PKNOX2: variants seen among roughly 807,000 people sequenced by gnomAD.
PKNOX2 encodes the protein PBX/knotted 1 homeobox 2.
A neutral mutation model predicts 53.1 loss-of-function variants in PKNOX2; 14 were observed. The ratio of observed to expected loss-of-function variants is 0.26; its 90% confidence interval spans 0.17 to 0.41. The LOEUF is 0.41. Among genes scored for constraint, PKNOX2 ranks in the 10% least tolerant of loss-of-function variants. The probability of loss-of-function intolerance (pLI) is 1.00; values close to 1 mark genes in which losing one functional copy is unlikely to be tolerated. For synonymous variants in PKNOX2, 257 were observed against 242.8 expected (o/e 1.06, Z -0.54); for missense variants, 496 against 602.8 (o/e 0.82, Z 1.85).
In PKNOX2 at chr11:125,352,717, T is replaced by C. The variant is rs1322405053; in HGVS notation, c.87+1325T>C. ...AAAGCCCTGGTCCTTCACCAATCTC[T>C]GAGCACATGTCTACGGCCCCGCTCC... is the stretch of plus-strand genomic sequence containing the variant. On this transcript the variant is annotated intron_variant, in intron 4 of 12. Transcript: ENST00000298282. The surrounding 1 kb of genome is among the most constrained non-coding windows in gnomAD (Gnocchi z 4.1). Among the ~76,000 whole-genome samples the C allele has an allele frequency of 6.6e-6, 1 of 152,186 alleles. No homozygotes were observed. The highest frequency in any genetic ancestry group is 1.9e-4 in the East Asian group (1 of 5,198).
At chr11:125,313,021 C>T (rs1014830457) in intron 2 of PKNOX2, among the ~76,000 whole-genome samples, 2 of 152,074 alleles carry the variant, frequency 1.3e-5, no homozygotes, top group Non-Finnish European at 2.9e-5. Context: ...CCACTGGAGG[C>T]CCGTGTCATG....
At position 125,430,104 on chromosome 11, in the gene PKNOX2, G is replaced by A. The variant is rs1956625029; in HGVS notation, c.1155G>A (p.Leu385=). The change falls in exon 12 of 13, where the codon CTG becomes CTA. Residue 385 remains leucine (L), a synonymous_variant. Coordinates refer to ENST00000298282, the MANE Select transcript of PKNOX2 (RefSeq NM_001382323.2). ...CCAACTCCATCGCTGCGGGGGTGCT[G>A]CAGCAGCAGGGCGGTGCCCCAGGGA... is the stretch of plus-strand genomic sequence containing the variant. The part of the protein sequence containing the change: ...FWPNSIAAGV[L]QQQGGAPGTN... The A allele has an allele frequency of 6.2e-7, 1 of 1,614,142 alleles. No homozygotes were observed. The highest frequency in any genetic ancestry group is 8.5e-7 in the Non-Finnish European group (1 of 1,180,000).
intron 2 of PKNOX2, among the ~76,000 whole-genome samples, chr11:125,290,258 C>T (rs1051719780): frequency 6.6e-6 from 1 of 152,188 alleles, no homozygotes; most frequent in African/African-American, 2.4e-5. Context: ...CCTCCCAAAG[C>T]CAGCTCTGCC....
At chr11:125,175,046 C>A (rs552763064) in intron 1 of PKNOX2, among the ~76,000 whole-genome samples, 56 of 152,306 alleles carry the variant, frequency 3.7e-4, no homozygotes, top group African/African-American at 1.3e-3. Flanking sequence ...TGGCATAGCA[C>A]CCCTTGAGAA....
chr11:125,355,054 G>A (rs2136218956), intron 4 of PKNOX2, among the ~76,000 whole-genome samples: 1 of 152,198 alleles, frequency 6.6e-6, no homozygotes, highest in East Asian at 1.9e-4. Flanking sequence ...ATTGCCTGAG[G>A]TCAGGAGTTC....
intron 2 of PKNOX2, among the ~76,000 whole-genome samples, chr11:125,246,943 G>A (rs1943611099): frequency 6.6e-6 from 1 of 152,132 alleles, no homozygotes; most frequent in African/African-American, 2.4e-5. Context: ...CTCAGCATGT[G>A]ACACTGCCAG....
intron 5 of PKNOX2, among the ~76,000 whole-genome samples, chr11:125,375,687 C>T (rs1393900665): frequency 6.6e-6 from 1 of 152,106 alleles, no homozygotes; most frequent in Non-Finnish European, 1.5e-5. Context: ...TTGACTGTGA[C>T]CAAGACAACG....
At chr11:125,193,939 G>T (rs1477537448) in intron 1 of PKNOX2, among the ~76,000 whole-genome samples, 1 of 152,208 alleles carries the variant, frequency 6.6e-6, no homozygotes, top group Non-Finnish European at 1.5e-5. Flanking sequence ...TCTCCCCACA[G>T]TGTTGTGAGT....
rs906412845 is a variant in PKNOX2, at chr11:125,318,273, A to ATTT, written c.-129-13529_-129-13527dup. On this transcript the variant is annotated intron_variant, in intron 2 of 12. Coordinates refer to ENST00000298282, the MANE Select transcript of PKNOX2 (RefSeq NM_001382323.2). ...AGGCACCCGCCATCATGCCTGGCTA[A>ATTT]TTTTTTTTTTTTTTTTTTTGTATTT... Among the ~76,000 whole-genome samples the ATTT allele has an allele frequency of 6.4e-3, 857 of 133,384 alleles. 16 individuals carry two copies. The highest frequency in any genetic ancestry group is 0.024 in the African/African-American group (827 of 35,002). The allele number at this position is 133,384 out of a possible 152,430, so 87.5% of individuals were successfully genotyped here.
intron 1 of PKNOX2, among the ~76,000 whole-genome samples, chr11:125,211,982 G>GA (rs1414567733): frequency 2.6e-5 from 4 of 151,662 alleles, no homozygotes; most frequent in Admixed American, 6.6e-5. Flanking sequence ...TTTCCTTTAA[G>GA]AAAAAAAATA....
intron 3 of PKNOX2, among the ~76,000 whole-genome samples, chr11:125,334,680 C>T (rs1950339142): frequency 6.6e-6 from 1 of 151,586 alleles, no homozygotes; most frequent in South Asian, 2.1e-4. Context: ...CTCACTGCAA[C>T]CTCTGCCTTC....
At chr11:125,427,039 C>CA (rs1026508276) in intron 10 of PKNOX2, among the ~76,000 whole-genome samples, 2 of 152,120 alleles carry the variant, frequency 1.3e-5, no homozygotes, top group Non-Finnish European at 2.9e-5. Context: ...CTGGGAAGGC[C>CA]AAAAAATCAC....
At chr11:125,364,004 C>T (rs1445317789) in intron 4 of PKNOX2, among the ~76,000 whole-genome samples, 1 of 152,186 alleles carries the variant, frequency 6.6e-6, no homozygotes, top group Non-Finnish European at 1.5e-5. Context: ...TTTCACAGGC[C>T]AGAACAAGGC....
At chr11:125,350,423 C>T (rs1951231177) in intron 3 of PKNOX2, among the ~76,000 whole-genome samples, 1 of 152,074 alleles carries the variant, frequency 6.6e-6, no homozygotes. Flanking sequence ...TAACAAGTCC[C>T]CCAACCCCCG....
chr11:125,273,051 C>T (rs1431931108), intron 2 of PKNOX2, among the ~76,000 whole-genome samples: 4 of 152,216 alleles, frequency 2.6e-5, no homozygotes, highest in Non-Finnish European at 5.9e-5. Context: ...TGCAGTCTGC[C>T]TGCCTAAAAG....
At chr11:125,256,809 T>G (rs1944436962) in intron 2 of PKNOX2, among the ~76,000 whole-genome samples, 1 of 152,222 alleles carries the variant, frequency 6.6e-6, no homozygotes, top group Non-Finnish European at 1.5e-5. Flanking sequence ...TTCTTAGTAA[T>G]GATCTTCCTC....
intron 1 of PKNOX2, among the ~76,000 whole-genome samples, chr11:125,194,039 G>A (rs570727662): frequency 6.6e-5 from 10 of 152,302 alleles, no homozygotes; most frequent in African/African-American, 9.6e-5. Flanking sequence ...CTGAGCTGCC[G>A]GCAGGGCCCC....
chr11:125,195,120 C>T (rs139258604), intron 1 of PKNOX2, among the ~76,000 whole-genome samples: 5 of 152,294 alleles, frequency 3.3e-5, no homozygotes, highest in African/African-American at 1.2e-4. Flanking sequence ...GAACTCTTAA[C>T]CACTCCACAA....
intron 1 of PKNOX2, among the ~76,000 whole-genome samples, chr11:125,234,569 A>C (rs776477618): frequency 6.6e-6 from 1 of 152,216 alleles, no homozygotes; most frequent in Non-Finnish European, 1.5e-5. Context: ...TGAGGTAGAC[A>C]ACAGGGTCAG....
Sources: allele counts gnomAD v4.1 joint callset (sites outside exome capture counted in the v4.1 genomes callset), GRCh38; gene constraint gnomAD v4.1.1; non-coding constraint Gnocchi (gnomAD v3.1); transcripts MANE v1.5; gene names NCBI Gene and HGNC (gene_info 2026-07-23, HGNC 2026-07-21).